The following CTBP1 variants were observed in gnomAD, a reference collection of about 807,000 sequenced individuals.
CTBP1 encodes C-terminal-binding protein 1.
Under a neutral mutation model 42.1 loss-of-function variants are expected in CTBP1, and 11 were observed. The observed-to-expected ratio is 0.26, with a 90% CI of 0.16 to 0.43. The LOEUF (loss-of-function observed/expected upper bound fraction) is 0.43, where lower values mean the gene tolerates loss of function less well. CTBP1 is among the 20% of genes least tolerant of loss of function. The pLI is 1.00. For synonymous variants in CTBP1, 324 were observed against 277.1 expected (o/e 1.17, Z -1.68); for missense variants, 399 against 624.3 (o/e 0.64, Z 3.85).
upstream of CTBP1, chr4:1,249,321 C>G (rs1004311841): frequency 1.3e-5 from 2 of 150,276 alleles, no homozygotes; most frequent in Non-Finnish European, 3.0e-5. Flanking sequence ...GCCTGGTGTT[C>G]CGCACGTTCT....
At chr4:1,237,739 A>G (rs1034209311) in intron 3 of CTBP1, 6 of 633,828 alleles carry the variant, frequency 9.5e-6, no homozygotes, top group African/African-American at 7.2e-5. Flanking sequence ...GGGCTCAGGG[A>G]AAACCCCGTG....
intron 1 of CTBP1, chr4:1,243,893 C>G (rs758249480): frequency 1.5e-5 from 15 of 985,378 alleles, no homozygotes; most frequent in Non-Finnish European, 1.7e-5. Flanking sequence ...TCCAGCTTCT[C>G]ACCCTGCAGA....
At chr4:1,221,870 A>G (rs1729775694) in intron 5 of CTBP1, 1 of 416,308 alleles carries the variant, frequency 2.4e-6, no homozygotes, top group South Asian at 1.7e-5. Context: ...GAAGGAAGGA[A>G]GGAAGGGAAG....
intron 1 of CTBP1, chr4:1,244,922 C>A: frequency 1.0e-6 from 1 of 985,440 alleles, no homozygotes; most frequent in Non-Finnish European, 1.2e-6. Context: ...GCCTTCCAGT[C>A]CTGAGATACA....
intron 1 of CTBP1, chr4:1,245,437 C>G (rs1268302894): frequency 1.0e-6 from 1 of 985,314 alleles, no homozygotes; most frequent in African/African-American, 1.7e-5. Flanking sequence ...CCCTTCCCAA[C>G]ACAGTCTACA....
chr4:1,223,077 CG>C (rs949145519), intron 5 of CTBP1, among the ~76,000 whole-genome samples: 3 of 57,426 alleles, frequency 5.2e-5, no homozygotes, highest in Non-Finnish European at 1.8e-4. Flanking sequence ...GCGGAGGCAC[CG>C]CCCCCTGGAC....
At chr4:1,215,563 C>T (rs970027622) in intron 6 of CTBP1, 14 of 252,530 alleles carry the variant, frequency 5.5e-5, no homozygotes, top group South Asian at 4.5e-4. Flanking sequence ...TGTCAGAGGC[C>T]GACCTGAGCA....
intron 5 of CTBP1, among the ~76,000 whole-genome samples, chr4:1,219,019 T>A (rs775905610): frequency 6.6e-6 from 1 of 152,048 alleles, no homozygotes; most frequent in African/African-American, 2.4e-5. Context: ...ATACTATTAA[T>A]AACAGACACA....
At chr4:1,248,806 C>T (rs1362349542) in intron 1 of CTBP1, 110 bp downstream of exon 1, 4 of 935,112 alleles carry the variant, frequency 4.3e-6, no homozygotes, top group South Asian at 4.9e-5. Flanking sequence ...CACACAAAGC[C>T]GGCGGCCCGC....
chr4:1,213,516 C>T lies in CTBP1; in HGVS notation c.950G>A (p.Arg317Gln), dbSNP rs779383427. 1.2e-6 allele frequency: 2 copies of T among 1,612,872 alleles called. No individual in the cohort carries two copies. The highest frequency in any genetic ancestry group is 1.1e-5 in the South Asian group (1 of 91,074). The change falls in exon 8 of 10, where the codon CGA becomes CAA. Residue 317 changes from arginine (R) to glutamine (Q), a missense_variant. This residue lies in a region of CTBP1 where 309 missense variants were observed against 497.5 expected (regional missense o/e 0.62). Transcript: ENST00000382952. ...GCGGATCTCCCGTGCCGCCTCCTCTCGCATCTCGATGGATGCCTGCTCGCT... is the reference window on the plus strand; with the variant it reads ...GCGGATCTCCCGTGCCGCCTCCTCTTGCATCTCGATGGATGCCTGCTCGCT... ...WYSEQASIEM[R>Q]EEAAREIRRA...
In CTBP1 at chr4:1,222,484, C is replaced by T. The variant is rs112649913; in HGVS notation, c.514+2876G>A. ...GGGGCCTGCCCGAGAGCCCACAGGACGACCTGGGCCAGTGCAGGGCAGAAC... is the reference window on the plus strand; with the variant it reads ...GGGGCCTGCCCGAGAGCCCACAGGATGACCTGGGCCAGTGCAGGGCAGAAC... On this transcript the variant is annotated intron_variant, in intron 5 of 9. Transcript: ENST00000382952. Among the ~76,000 whole-genome samples, 384 of 152,236 alleles carry T rather than the reference C, an allele frequency of 2.5e-3. 1 individual carries two copies. The highest frequency in any genetic ancestry group is 8.6e-3 in the African/African-American group (356 of 41,542).
At chr4:1,213,957 C>T (rs1251121435) in intron 7 of CTBP1, 14 of 400,156 alleles carry the variant, frequency 3.5e-5, no homozygotes, top group South Asian at 1.6e-4. Context: ...TCTCCTCTTG[C>T]GGCTGAACAT....
intron 1 of CTBP1, among the ~76,000 whole-genome samples, chr4:1,246,910 G>A (rs1732779339): frequency 6.6e-6 from 1 of 152,214 alleles, no homozygotes; most frequent in African/African-American, 2.4e-5. Context: ...CCAAAGAGTG[G>A]GGGGCTCCCA....
chr4:1,230,121 C>A (rs1449240617), intron 3 of CTBP1, among the ~76,000 whole-genome samples: 1 of 152,178 alleles, frequency 6.6e-6, no homozygotes, highest in Non-Finnish European at 1.5e-5. Flanking sequence ...CCCTGGTGCA[C>A]CAGACGCAGT....
intron 1 of CTBP1, chr4:1,245,600 C>T (rs1041417872): frequency 3.1e-5 from 30 of 981,544 alleles, no homozygotes; most frequent in Middle Eastern, 5.2e-4. Context: ...AAGAGTGGCA[C>T]GGGAGGGCAG....
chr4:1,250,300 T>C, upstream of CTBP1: 1 of 242,402 alleles, frequency 4.1e-6, no homozygotes, highest in South Asian at 5.2e-5. Flanking sequence ...GCGTGCCACG[T>C]TCTGTTCTAA....
At position 1,233,505 on chromosome 4, in the gene CTBP1, C is replaced by T. The variant is rs768947955; in HGVS notation, c.162+4678G>A. On this transcript the variant is annotated intron_variant, in intron 3 of 9. Coordinates refer to ENST00000382952, the MANE Select transcript of CTBP1 (RefSeq NM_001012614.2). This position sits in a 1 kb window ranked among gnomAD's most constrained non-coding sequence, Gnocchi z 4.6. ...CCGCTCCAGGCCCCGCAGCCCACAC[C>T]GGACGCAGCCTCCAGGCTCCAGGGC... is the stretch of plus-strand genomic sequence containing the variant. 6.6e-6 allele frequency among the ~76,000 whole-genome samples: 1 copy of T among 152,208 alleles called. No homozygotes were observed. The highest frequency in any genetic ancestry group is 1.5e-5 in the Non-Finnish European group (1 of 68,032).
chr4:1,214,830 C>T (rs1194502950), intron 6 of CTBP1, among the ~76,000 whole-genome samples: 1 of 152,262 alleles, frequency 6.6e-6, no homozygotes, highest in East Asian at 1.9e-4. Flanking sequence ...CGCAGGGCCT[C>T]AGCCCACGAG....
intron 1 of CTBP1, chr4:1,242,958 G>A (rs1277336967): frequency 1.5e-5 from 15 of 984,970 alleles, no homozygotes; most frequent in African/African-American, 1.8e-5. Flanking sequence ...AATGCCAGCC[G>A]ATACTCATCA....
Sources: gnomAD v4.1 joint callset for allele counts (sites outside exome capture counted in the v4.1 genomes callset) on GRCh38, gnomAD v4.1.1 for gene constraint, gnomAD v4.1.1 regional missense constraint, Gnocchi (gnomAD v3.1) non-coding constraint, MANE v1.5 for transcripts, NCBI Gene and HGNC (gene_info 2026-07-23, HGNC 2026-07-21) for gene names.